The following EYS variants were observed in gnomAD, a reference collection of about 807,000 sequenced individuals.
EYS encodes the protein EGF-like photoreceptor maintenance factor.
In EYS, 250 loss-of-function variants were observed where a neutral mutation model predicts 282.1. The ratio of observed to expected loss-of-function variants is 0.89; its 90% CI spans 0.80 to 0.98. The LOEUF is 0.98. EYS is among the 50% of genes least tolerant of loss of function. The probability of loss-of-function intolerance (pLI) is 0.00; values close to 1 mark genes in which losing one functional copy is unlikely to be tolerated. For missense variants in EYS, 4,016 were observed against 3,709.0 expected (o/e 1.08, Z -2.15); for synonymous variants, 1,355 against 1,282.9 (o/e 1.06, Z -1.20).
chr6:64,693,558 C>T (rs975668146), intron 22 of EYS, among the ~76,000 whole-genome samples: 8 of 152,070 alleles, frequency 5.3e-5, no homozygotes, highest in African/African-American at 1.4e-4. Context: ...GGCTTGCTGC[C>T]AGATTGTGAT....
chr6:63,965,781 C>A (rs902738767), intron 35 of EYS, among the ~76,000 whole-genome samples: 1 of 152,064 alleles, frequency 6.6e-6, no homozygotes, highest in Non-Finnish European at 1.5e-5. Flanking sequence ...GGGAACGGCT[C>A]ATTATAACCA....
chr6:64,633,519 A>G (rs1767864958), intron 22 of EYS, among the ~76,000 whole-genome samples: 1 of 152,092 alleles, frequency 6.6e-6, no homozygotes, highest in South Asian at 2.1e-4. Flanking sequence ...CAAAACAGGG[A>G]AAAATAAAAG....
intron 26 of EYS, among the ~76,000 whole-genome samples, chr6:64,453,228 T>C (rs1201620800): frequency 1.3e-5 from 2 of 152,084 alleles, no homozygotes; most frequent in Non-Finnish European, 2.9e-5. Context: ...AGAGAAGACA[T>C]TTATGCAGCC....
chr6:64,822,606 A>G, intron 20 of EYS, 45 bp downstream of exon 20: 1 of 1,394,698 alleles, frequency 7.2e-7, no homozygotes, highest in Non-Finnish European at 9.7e-7. Context: ...AAATATTGTG[A>G]GTTAAATATA....
chr6:64,093,366 T>C (rs1375581241), intron 31 of EYS, among the ~76,000 whole-genome samples: 1 of 152,210 alleles, frequency 6.6e-6, no homozygotes, highest in Non-Finnish European at 1.5e-5. Context: ...TTTCACGACA[T>C]TGATTCTTCC....
chr6:64,189,808 T>G (rs1314440698), intron 31 of EYS, among the ~76,000 whole-genome samples: 1 of 152,126 alleles, frequency 6.6e-6, no homozygotes, highest in African/African-American at 2.4e-5. Flanking sequence ...GTGGGTCAAT[T>G]CTTTATACAC....
intron 35 of EYS, among the ~76,000 whole-genome samples, chr6:63,907,222 A>T (rs1473435702): frequency 6.6e-6 from 1 of 152,130 alleles, no homozygotes; most frequent in Non-Finnish European, 1.5e-5. Flanking sequence ...CCTCAAACTT[A>T]TCAAGTTTAT....
intron 28 of EYS, among the ~76,000 whole-genome samples, chr6:64,423,722 T>C (rs927039340): frequency 1.3e-5 from 2 of 152,028 alleles, no homozygotes; most frequent in Admixed American, 1.3e-4. Flanking sequence ...GCAGGAGAAT[T>C]GCTTGAACTC....
chr6:64,825,282 C>A (rs1019873808), intron 19 of EYS, among the ~76,000 whole-genome samples: 4 of 151,886 alleles, frequency 2.6e-5, no homozygotes, highest in Non-Finnish European at 5.9e-5. Flanking sequence ...TTGCCATTAT[C>A]CTGTTTTATG....
intron 29 of EYS, among the ~76,000 whole-genome samples, chr6:64,334,942 T>C (rs1770785272): frequency 1.3e-5 from 2 of 152,064 alleles, no homozygotes; most frequent in Non-Finnish European, 2.9e-5. Context: ...AATAGGTGTA[T>C]GCCTAATGGT....
chr6:64,138,701 T>G (rs1000738809), intron 31 of EYS, among the ~76,000 whole-genome samples: 1 of 152,172 alleles, frequency 6.6e-6, no homozygotes. Flanking sequence ...TCCTCATAAT[T>G]GTGCTGTTTT....
intron 2 of EYS, among the ~76,000 whole-genome samples, chr6:65,593,825 T>C (rs1388513677): frequency 1.3e-5 from 2 of 151,962 alleles, no homozygotes; most frequent in Admixed American, 6.6e-5. Context: ...ATAATTATAA[T>C]GCAATAATAT....
At chr6:64,661,977 C>A (rs1490727536) in intron 22 of EYS, among the ~76,000 whole-genome samples, 1 of 151,628 alleles carries the variant, frequency 6.6e-6, no homozygotes, top group African/African-American at 2.4e-5. Context: ...AGACTTGGAA[C>A]CAACCCAAAT....
At chr6:64,159,731 C>A (rs1028158829) in intron 31 of EYS, among the ~76,000 whole-genome samples, 1 of 151,166 alleles carries the variant, frequency 6.6e-6, no homozygotes, top group Non-Finnish European at 1.5e-5. Flanking sequence ...ATTTTTTTTC[C>A]GTTTAAGAAA....
At chr6:65,289,795 A>C (rs1768472901) in intron 12 of EYS, among the ~76,000 whole-genome samples, 2 of 151,136 alleles carry the variant, frequency 1.3e-5, no homozygotes, top group Non-Finnish European at 3.0e-5. Flanking sequence ...AGGTGCTAGA[A>C]ATTCTCTACA....
At chr6:65,472,776 T>A (rs1337077178) in intron 5 of EYS, among the ~76,000 whole-genome samples, 1 of 152,064 alleles carries the variant, frequency 6.6e-6, no homozygotes, top group Non-Finnish European at 1.5e-5. Flanking sequence ...ATATTTTATT[T>A]AAAACTCACT....
intron 12 of EYS, among the ~76,000 whole-genome samples, chr6:65,195,381 C>T (rs149857046): frequency 8.5e-5 from 13 of 152,050 alleles, no homozygotes; most frequent in Admixed American, 7.2e-4. Context: ...ATTCTTAATG[C>T]TGTGGTTTTA....
intron 18 of EYS, among the ~76,000 whole-genome samples, chr6:64,890,497 C>A (rs902868105): frequency 6.6e-6 from 1 of 152,096 alleles, no homozygotes; most frequent in Non-Finnish European, 1.5e-5. Context: ...CTTTATTTCT[C>A]AAGCCAGCTG....
intron 12 of EYS, among the ~76,000 whole-genome samples, chr6:65,113,403 T>A (rs991326519): frequency 1.3e-5 from 2 of 151,196 alleles, no homozygotes; most frequent in African/African-American, 2.4e-5. Flanking sequence ...AAAAAAAAAA[T>A]TGTATAGGTT....
Sources: allele counts gnomAD v4.1 joint callset (sites outside exome capture counted in the v4.1 genomes callset), GRCh38; gene constraint gnomAD v4.1.1; transcripts MANE v1.5; gene names NCBI Gene and HGNC (gene_info 2026-07-23, HGNC 2026-07-21).